SRPK1: variants seen among roughly 807,000 people sequenced by gnomAD.
The protein encoded by SRPK1 is SRSF protein kinase 1, also known as SFRS protein kinase 1.
In SRPK1, 52 loss-of-function variants were observed where a neutral mutation model predicts 89.5. That is an observed-to-expected ratio of 0.58 (90% CI 0.46 to 0.73). The LOEUF (loss-of-function observed/expected upper bound fraction) is 0.73. Among genes scored for constraint, SRPK1 ranks in the 30% least tolerant of loss-of-function variants. The pLI, the probability that SRPK1 is intolerant of heterozygous loss-of-function variation, is 0.00. For missense variants in SRPK1, 603 were observed against 780.6 expected (o/e 0.77, Z 2.71); for synonymous variants, 255 against 270.2 (o/e 0.94, Z 0.55).
chr6:35,873,435 G>A (rs1345654044), intron 7 of SRPK1, among the ~76,000 whole-genome samples: 2 of 151,972 alleles, frequency 1.3e-5, no homozygotes, highest in East Asian at 3.9e-4. Context: ...CATTTAAAAA[G>A]AGAATAAGCA....
chr6:35,912,187 A>G (rs1368429643), intron 2 of SRPK1, among the ~76,000 whole-genome samples: 1 of 152,070 alleles, frequency 6.6e-6, no homozygotes, highest in Non-Finnish European at 1.5e-5. Context: ...AAATAAAAAA[A>G]TAAAAAATAA....
chr6:35,845,206 T>C lies in SRPK1; in HGVS notation c.1621-2602A>G, dbSNP rs1004338852. 1.1e-4 allele frequency among the ~76,000 whole-genome samples: 17 copies of C among 152,216 alleles called. No individual in the cohort carries two copies. The East Asian group carries it at 1.3e-3, about 12-fold the overall frequency. ...CGATATTGTATATAATAATGATAGA[T>C]ACATTTGTCAAAACTTCTAAAAGAG... On this transcript the variant is annotated intron_variant, in intron 13 of 15. Coordinates refer to ENST00000373825, the MANE Select transcript of SRPK1 (RefSeq NM_003137.5).
intron 13 of SRPK1, among the ~76,000 whole-genome samples, chr6:35,846,388 C>T (rs1377158160): frequency 6.6e-6 from 1 of 151,864 alleles, no homozygotes; most frequent in Non-Finnish European, 1.5e-5. Flanking sequence ...CTCAGGAGTT[C>T]GAGACCAGCC....
chr6:35,867,863 A>G (rs955516992), intron 12 of SRPK1, among the ~76,000 whole-genome samples: 1 of 152,240 alleles, frequency 6.6e-6, no homozygotes, highest in African/African-American at 2.4e-5. Flanking sequence ...AGTAAAAAAC[A>G]ACAGTATAAA....
chr6:35,847,874 C>T (rs1214488302), intron 13 of SRPK1, among the ~76,000 whole-genome samples: 1 of 151,712 alleles, frequency 6.6e-6, no homozygotes, highest in Non-Finnish European at 1.5e-5. Context: ...GTGATCCAGG[C>T]TGGACTGTAG....
chr6:35,888,146 GCCTA>G, intron 4 of SRPK1, 35 bp from the exon 5 acceptor site: 1 of 1,419,120 alleles, frequency 7.0e-7, no homozygotes, highest in Non-Finnish European at 9.7e-7. Context: ...AGACTACATA[GCCTA>G]CCCTTACTTT....
In SRPK1 at chr6:35,857,318, T is replaced by C; in HGVS notation, c.1563A>G (p.Glu521=). The change falls in exon 13 of 16, where the codon GAA becomes GAG. Residue 521 remains glutamate, a synonymous_variant. Transcript: ENST00000373825. ...TATTATAGCCAGATCCGATTAGAAC[T>C]TCCAAGGAACGATATTGCCTTGTTT... is the stretch of plus-strand genomic sequence containing the variant. ...DIQTRQYRSL[E]VLIGSGYNTP... 10 of 1,613,386 alleles carry C rather than the reference T, an allele frequency of 6.2e-6. No individual in the cohort carries two copies. The highest frequency in any genetic ancestry group is 8.5e-6 in the Non-Finnish European group (10 of 1,179,706).
intron 14 of SRPK1, 70 bp from the exon 15 acceptor site, chr6:35,838,499 A>C: frequency 1.4e-6 from 2 of 1,384,240 alleles, no homozygotes; most frequent in Non-Finnish European, 2.0e-6. Flanking sequence ...ATGCAGCTCT[A>C]GAAAACAGCA....
rs146853778 is a variant in SRPK1, at chr6:35,853,300, A to C, written c.1620+3961T>G. Among the ~76,000 whole-genome samples the C allele has an allele frequency of 2.0e-3, 299 of 152,248 alleles. 9 individuals are homozygous for C. In the South Asian group the frequency reaches 0.026, roughly 13 times the overall value. ...AAACAAAATGAAACAACAACAACAA[A>C]AAAAAGAAGTTAAAAAAATATGGTA... On this transcript the variant is annotated intron_variant, in intron 13 of 15. Coordinates refer to ENST00000373825, the MANE Select transcript of SRPK1 (RefSeq NM_003137.5).
Position 35,867,913 on chromosome 6 carries a change from A to G in SRPK1, c.1512+1097T>C, listed in dbSNP as rs189333084. Among the ~76,000 whole-genome samples the G allele has an allele frequency of 3.9e-3, 588 of 152,350 alleles. 2 individuals are homozygous for G. The highest frequency in any genetic ancestry group is 5.1e-3 in the Non-Finnish European group (347 of 68,022). On this transcript the variant is annotated intron_variant, in intron 12 of 15. Coordinates refer to ENST00000373825, the MANE Select transcript of SRPK1 (RefSeq NM_003137.5). ...AAATGAGATTCCACTATTTAGCCTG[A>G]AGATCATACAAGAAAATACTTTTCT... is the stretch of plus-strand genomic sequence containing the variant.
intron 13 of SRPK1, among the ~76,000 whole-genome samples, chr6:35,850,560 TAG>T (rs1026422685): frequency 1.3e-5 from 2 of 152,158 alleles, no homozygotes; most frequent in Admixed American, 6.5e-5. Context: ...GCTTTAAAAG[TAG>T]AGTTTTTCCA....
chr6:35,873,547 T>A (rs917302306), intron 7 of SRPK1, among the ~76,000 whole-genome samples: 1 of 151,846 alleles, frequency 6.6e-6, no homozygotes, highest in African/African-American at 2.4e-5. Flanking sequence ...TGGAGCGCGG[T>A]GGCGCGATCT....
intron 2 of SRPK1, among the ~76,000 whole-genome samples, chr6:35,900,543 T>C (rs1770719707): frequency 6.6e-6 from 1 of 152,136 alleles, no homozygotes; most frequent in Non-Finnish European, 1.5e-5. Flanking sequence ...TCTGAACCTA[T>C]CCGGTTCTTG....
chr6:35,885,134 T>C (rs1364171253), intron 6 of SRPK1, among the ~76,000 whole-genome samples: 3 of 152,046 alleles, frequency 2.0e-5, no homozygotes, highest in African/African-American at 7.2e-5. Flanking sequence ...TTTTGCAAAT[T>C]AGTAAAGAAA....
rs1023742775 is a variant in SRPK1, at chr6:35,885,329, A to C, written c.478+1395T>G. Among the ~76,000 whole-genome samples the C allele has an allele frequency of 2.7e-5, 4 of 146,768 alleles. No individual in the cohort carries two copies. The South Asian group carries it at 6.6e-4, about 24-fold the overall frequency. On this transcript the variant is annotated intron_variant, in intron 6 of 15. Coordinates refer to ENST00000373825, the MANE Select transcript of SRPK1 (RefSeq NM_003137.5). ...GAGAGAGAGAGAGAGAGAGAGAGAG[A>C]GCCATCTACAAAGTGACCACAATAA...
intron 2 of SRPK1, among the ~76,000 whole-genome samples, chr6:35,904,441 A>T (rs1339153631): frequency 1.3e-5 from 2 of 152,224 alleles, no homozygotes; most frequent in African/African-American, 4.8e-5. Flanking sequence ...ACTCTGAGGC[A>T]GAGATTACAT....
chr6:35,866,813 T>C (rs955698690), intron 12 of SRPK1, among the ~76,000 whole-genome samples: 12 of 152,134 alleles, frequency 7.9e-5, no homozygotes, highest in African/African-American at 2.2e-4. Flanking sequence ...TGGTATGGAA[T>C]GAACACAATA....
At chr6:35,875,197 G>C (rs1301189807) in intron 6 of SRPK1, among the ~76,000 whole-genome samples, 1 of 151,736 alleles carries the variant, frequency 6.6e-6, no homozygotes, top group African/African-American at 2.4e-5. Flanking sequence ...AAAAGAACCT[G>C]TCAGGAAGAA....
At chr6:35,918,485 G>C (rs1378030854) in intron 2 of SRPK1, among the ~76,000 whole-genome samples, 8 of 152,028 alleles carry the variant, frequency 5.3e-5, no homozygotes. Flanking sequence ...TGGGCAACAG[G>C]CTTTCTTTTT....
Sources: allele counts gnomAD v4.1 joint callset (sites outside exome capture counted in the v4.1 genomes callset), GRCh38; gene constraint gnomAD v4.1.1; transcripts MANE v1.5; gene names NCBI Gene and HGNC (gene_info 2026-07-23, HGNC 2026-07-21).